Variants in RHBDD1 observed in about 807,000 individuals in gnomAD.
RHBDD1 encodes rhomboid-related protein 4.
Under a neutral mutation model 36.3 loss-of-function variants are expected in RHBDD1, and 38 were observed. The ratio of observed to expected loss-of-function variants is 1.05; its 90% CI spans 0.81 to 1.37. RHBDD1 has a LOEUF of 1.37. Among genes scored for constraint, RHBDD1 ranks in the 40% most tolerant of loss-of-function variants. RHBDD1 has a pLI of 0.00. For synonymous variants in RHBDD1, 151 were observed against 136.5 expected (o/e 1.11, Z -0.74); for missense variants, 393 against 377.6 (o/e 1.04, Z -0.34).
At chr2:226,861,207 A>G (rs565268320) in intron 3 of RHBDD1, among the ~76,000 whole-genome samples, 1 of 152,296 alleles carries the variant, frequency 6.6e-6, no homozygotes, top group Admixed American at 6.5e-5. Flanking sequence ...AAGAATTACA[A>G]AAATCATTAA....
intron 8 of RHBDD1, among the ~76,000 whole-genome samples, chr2:226,948,543 T>C (rs1204306353): frequency 8.2e-6 from 1 of 122,182 alleles, no homozygotes; most frequent in Admixed American, 9.9e-5. Flanking sequence ...AATGTGCACA[T>C]GTACCCTAAA....
chr2:226,895,837 A>G (rs1412167382), intron 5 of RHBDD1: 1 of 983,752 alleles, frequency 1.0e-6, no homozygotes, highest in Non-Finnish European at 1.2e-6. Flanking sequence ...TATCCACCAC[A>G]TTGATGAGAG....
At chr2:226,960,390 C>T (rs1354871709) in intron 8 of RHBDD1, among the ~76,000 whole-genome samples, 1 of 152,184 alleles carries the variant, frequency 6.6e-6, no homozygotes, top group Non-Finnish European at 1.5e-5. Flanking sequence ...ATCCAGCTTA[C>T]TCTGTGCATA....
chr2:226,886,163 T>G (rs1457957594), intron 5 of RHBDD1, among the ~76,000 whole-genome samples: 1 of 152,214 alleles, frequency 6.6e-6, no homozygotes, highest in African/African-American at 2.4e-5. Context: ...AACCCTTAAC[T>G]TATTTGTCTC....
intron 8 of RHBDD1, among the ~76,000 whole-genome samples, chr2:226,976,314 CAA>C (rs937816791): frequency 6.7e-6 from 1 of 148,916 alleles, no homozygotes; most frequent in Non-Finnish European, 1.5e-5. Context: ...CACCACTAGA[CAA>C]AGAGAAATGA....
intron 3 of RHBDD1, among the ~76,000 whole-genome samples, chr2:226,839,911 G>A (rs1574730207): frequency 6.6e-6 from 1 of 152,186 alleles, no homozygotes; most frequent in South Asian, 2.1e-4. Context: ...GAAACAAGGA[G>A]TCAAAGGAAG....
intron 8 of RHBDD1, among the ~76,000 whole-genome samples, chr2:226,938,325 C>T (rs752413286): frequency 6.6e-6 from 1 of 151,854 alleles, no homozygotes; most frequent in East Asian, 1.9e-4. Flanking sequence ...CTTATAGATG[C>T]TGGATATTAG....
chr2:226,814,059 T>C, the RHBDD1 span, among the ~76,000 whole-genome samples: 46 of 152,166 alleles, frequency 3.0e-4, no homozygotes, highest in African/African-American at 1.1e-3. Context: ...TGTTTTTGGG[T>C]GAGTGATAAA....
At position 226,996,672 on chromosome 2, in the gene RHBDD1, T is replaced by C. The variant is rs1313464237; in HGVS notation, c.*1150T>C. The C allele has an allele frequency of 6.6e-6, 1 of 152,236 alleles. No homozygotes were observed. The highest frequency in any genetic ancestry group is 1.5e-5 in the Non-Finnish European group (1 of 68,040). 9.4% of individuals were successfully genotyped at this position (152,236 alleles called of 1,614,324 possible). ...CTTCCAGATGCATAAGGCAAACATC[T>C]GGAAAGAAATATACCCAAATCTTAG... is the stretch of plus-strand genomic sequence containing the variant. On this transcript the variant is annotated 3_prime_UTR_variant, in exon 9 of 9. Coordinates refer to ENST00000392062, the MANE Select transcript of RHBDD1 (RefSeq NM_001167608.3).
the RHBDD1 span, among the ~76,000 whole-genome samples, chr2:226,815,436 A>G: frequency 6.6e-6 from 1 of 152,230 alleles, no homozygotes; most frequent in Non-Finnish European, 1.5e-5. Flanking sequence ...CTTTTCTAAA[A>G]TAAAGATTAG....
intron 8 of RHBDD1, among the ~76,000 whole-genome samples, chr2:226,954,995 G>A (rs1336117773): frequency 6.6e-6 from 1 of 151,936 alleles, no homozygotes; most frequent in Non-Finnish European, 1.5e-5. Flanking sequence ...TATCGAGGTG[G>A]GGGAGAGATT....
chr2:226,909,602 T>C (rs143192738), intron 7 of RHBDD1, among the ~76,000 whole-genome samples: 19 of 151,854 alleles, frequency 1.3e-4, no homozygotes, highest in African/African-American at 4.6e-4. Context: ...GGGGAAAAAA[T>C]TAGGTCATGA....
rs1446048710 is a variant in RHBDD1, at chr2:226,902,421, C to G, written c.567-4372C>G. Among the ~76,000 whole-genome samples, 4 of 152,188 alleles carry G rather than the reference C, an allele frequency of 2.6e-5. No individual in the cohort carries two copies. In the East Asian group the frequency reaches 7.7e-4, roughly 29 times the overall value. On this transcript the variant is annotated intron_variant, in intron 5 of 8. Transcript: ENST00000392062. ...CTAACCCTAGGACTGGTGAGAACCA[C>G]CTTCCCAGTTCAGTTTTCTCCCTGT...
chr2:226,916,666 C>G (rs763127401), intron 8 of RHBDD1, among the ~76,000 whole-genome samples: 1 of 152,078 alleles, frequency 6.6e-6, no homozygotes. Context: ...AAGTAGCAAG[C>G]CTTCATAAAG....
chr2:226,880,574 C>T (rs892937795), intron 5 of RHBDD1, among the ~76,000 whole-genome samples: 2 of 152,170 alleles, frequency 1.3e-5, no homozygotes, highest in Non-Finnish European at 2.9e-5. Context: ...GTGTATTAAT[C>T]AACTCTCCCT....
At chr2:226,966,375 A>C (rs1156817175) in intron 8 of RHBDD1, among the ~76,000 whole-genome samples, 1 of 152,172 alleles carries the variant, frequency 6.6e-6, no homozygotes, top group Admixed American at 6.5e-5. Flanking sequence ...GGGCCTCCTC[A>C]GTAGCCCGAA....
chr2:226,856,987 G>T (rs1943394756), intron 3 of RHBDD1, among the ~76,000 whole-genome samples: 3 of 152,122 alleles, frequency 2.0e-5, no homozygotes, highest in Admixed American at 6.5e-5. Context: ...TGGTAGAGCT[G>T]CAGTCTTTGC....
chr2:226,816,485 C>A, the RHBDD1 span, among the ~76,000 whole-genome samples: 1 of 151,852 alleles, frequency 6.6e-6, no homozygotes, highest in African/African-American at 2.4e-5. Context: ...TCTAAGGATC[C>A]TTGGAATGGT....
chr2:226,889,155 A>ATGGT (rs1399314695), intron 5 of RHBDD1, among the ~76,000 whole-genome samples: 2 of 152,160 alleles, frequency 1.3e-5, no homozygotes, highest in Non-Finnish European at 2.9e-5. Flanking sequence ...TTTAACACAC[A>ATGGT]TGGTTTGTCG....
Sources: allele counts gnomAD v4.1 joint callset (sites outside exome capture counted in the v4.1 genomes callset), GRCh38; gene constraint gnomAD v4.1.1; transcripts MANE v1.5; gene names NCBI Gene and HGNC (gene_info 2026-07-23, HGNC 2026-07-21).